Variants in QTMAN observed in about 807,000 individuals in gnomAD.
The protein encoded by QTMAN is tRNA-queuosine alpha-mannosyltransferase.
the QTMAN span, among the ~76,000 whole-genome samples, chr2:144,121,860 T>A: frequency 6.6e-6 from 1 of 151,956 alleles, no homozygotes; most frequent in Non-Finnish European, 1.5e-5. Flanking sequence ...TGATACTCAT[T>A]CCCCCTTCAT....
the QTMAN span, among the ~76,000 whole-genome samples, chr2:144,232,836 C>G: frequency 6.6e-6 from 1 of 152,126 alleles, no homozygotes; most frequent in African/African-American, 2.4e-5. Context: ...GTCTCCTGCT[C>G]AAATCATCTC....
At chr2:144,321,922 C>G in the QTMAN span, among the ~76,000 whole-genome samples, 3 of 152,262 alleles carry the variant, frequency 2.0e-5, no homozygotes, top group South Asian at 6.2e-4. Context: ...GCTCCAAAAC[C>G]ACAGGTATAC....
chr2:144,154,598 G>A, the QTMAN span, among the ~76,000 whole-genome samples: 1 of 152,150 alleles, frequency 6.6e-6, no homozygotes, highest in Non-Finnish European at 1.5e-5. Context: ...GAAATACACT[G>A]GAGAGTTGAT....
At chr2:144,167,307 TTC>T in the QTMAN span, among the ~76,000 whole-genome samples, 1 of 152,192 alleles carries the variant, frequency 6.6e-6, no homozygotes, top group African/African-American at 2.4e-5. Context: ...ATGAAAAATC[TTC>T]AAATGTAGAT....
the QTMAN span, among the ~76,000 whole-genome samples, chr2:144,228,172 A>C: frequency 4.6e-5 from 7 of 152,314 alleles, no homozygotes; most frequent in East Asian, 1.3e-3. Context: ...TATGAGACAA[A>C]TAAAACACTA....
the QTMAN span, among the ~76,000 whole-genome samples, chr2:144,033,379 T>TAG: frequency 6.6e-6 from 1 of 152,202 alleles, no homozygotes; most frequent in African/African-American, 2.4e-5. Flanking sequence ...GTTTACTTAC[T>TAG]AGATGACTGG....
At chr2:144,262,077 G>A in the QTMAN span, among the ~76,000 whole-genome samples, 1 of 152,114 alleles carries the variant, frequency 6.6e-6, no homozygotes, top group East Asian at 1.9e-4. Flanking sequence ...TTATAATATG[G>A]CTCTTCTCCC....
the QTMAN span, among the ~76,000 whole-genome samples, chr2:144,227,830 T>C: frequency 6.6e-6 from 1 of 152,194 alleles, no homozygotes; most frequent in East Asian, 1.9e-4. Context: ...CTCCTTGCCT[T>C]CCTCCAAAAG....
chr2:144,160,723 C>T, the QTMAN span, among the ~76,000 whole-genome samples: 3 of 152,120 alleles, frequency 2.0e-5, no homozygotes, highest in African/African-American at 7.2e-5. Context: ...ATAGCTGTCA[C>T]ATCAACGGTT....
the QTMAN span, among the ~76,000 whole-genome samples, chr2:144,105,251 C>T: frequency 7.2e-3 from 1,089 of 152,216 alleles, 17 homozygotes; most frequent in African/African-American, 0.024. Context: ...CAAAGCTGGA[C>T]GGAGAATGAC....
the QTMAN span, among the ~76,000 whole-genome samples, chr2:144,092,164 T>C: frequency 4.6e-5 from 7 of 150,862 alleles, no homozygotes; most frequent in Non-Finnish European, 8.8e-5. Flanking sequence ...TCAACATTTA[T>C]AAAATTGTAC....
the QTMAN span, among the ~76,000 whole-genome samples, chr2:144,146,203 CTTTTGAT>C: frequency 1.2e-4 from 18 of 148,206 alleles, no homozygotes; most frequent in African/African-American, 4.2e-4. Context: ...GACATAAACT[CTTTTGAT>C]TTATGCAATA....
At chr2:144,309,162 C>T in the QTMAN span, among the ~76,000 whole-genome samples, 1 of 152,126 alleles carries the variant, frequency 6.6e-6, no homozygotes, top group Non-Finnish European at 1.5e-5. Context: ...TCATATATTG[C>T]TAGTGAGTAT....
At chr2:143,973,508 T>C in the QTMAN span, among the ~76,000 whole-genome samples, 3 of 152,034 alleles carry the variant, frequency 2.0e-5, no homozygotes, top group Admixed American at 6.6e-5. Context: ...AATGAGAAAT[T>C]GGCCGGGCGC....
the QTMAN span, among the ~76,000 whole-genome samples, chr2:144,203,199 G>A: frequency 2.0e-5 from 3 of 150,788 alleles, no homozygotes; most frequent in East Asian, 2.0e-4. Flanking sequence ...GTGCACGTGC[G>A]CACGCACACA....
chr2:144,278,123 A>T, the QTMAN span, among the ~76,000 whole-genome samples: 1 of 152,194 alleles, frequency 6.6e-6, no homozygotes, highest in Non-Finnish European at 1.5e-5. Flanking sequence ...GCAGAGCATT[A>T]GGGTTCTGAG....
At chr2:144,125,968 T>C in the QTMAN span, among the ~76,000 whole-genome samples, 1 of 151,952 alleles carries the variant, frequency 6.6e-6, no homozygotes, top group Admixed American at 6.6e-5. Context: ...GTTAAGTCAA[T>C]GGGAAATGGA....
the QTMAN span, among the ~76,000 whole-genome samples, chr2:144,000,842 C>T: frequency 2.6e-5 from 4 of 151,958 alleles, no homozygotes; most frequent in African/African-American, 9.7e-5. Flanking sequence ...AACAGATTTA[C>T]ACATAACATT....
chr2:144,046,389 T>C, the QTMAN span, among the ~76,000 whole-genome samples: 4 of 152,206 alleles, frequency 2.6e-5, no homozygotes, highest in Non-Finnish European at 5.9e-5. Flanking sequence ...TGATCCACTA[T>C]TTTGTTTTTG....
Sources: allele counts gnomAD v4.1 joint callset (sites outside exome capture counted in the v4.1 genomes callset), GRCh38; gene constraint gnomAD v4.1.1; transcripts MANE v1.5; gene names NCBI Gene and HGNC (gene_info 2026-07-23, HGNC 2026-07-21).